HMGCLL1: variants seen among roughly 807,000 people sequenced by gnomAD.
HMGCLL1 encodes 3-hydroxymethyl-3-methylglutaryl-CoA lyase, cytoplasmic.
HMGCLL1 carries 36 observed loss-of-function variants against 39.1 expected under a neutral mutation model. The ratio of observed to expected loss-of-function variants is 0.92; its 90% CI spans 0.71 to 1.22. The LOEUF is 1.22. HMGCLL1 is among the 50% of genes most tolerant of loss of function. The pLI, the probability that HMGCLL1 is intolerant of heterozygous loss-of-function variation, is 0.00. For synonymous variants in HMGCLL1, 149 were observed against 144.0 expected (o/e 1.03, Z -0.25); for missense variants, 451 against 416.5 (o/e 1.08, Z -0.72).
chr6:55,497,197 G>A (rs142930916), intron 6 of HMGCLL1, among the ~76,000 whole-genome samples: 236 of 152,072 alleles, frequency 1.6e-3, no homozygotes, highest in Non-Finnish European at 2.3e-3. Flanking sequence ...CAGCTCCCAC[G>A]CATCCTAATC....
the HMGCLL1 span, among the ~76,000 whole-genome samples, chr6:55,628,346 G>T: frequency 1.4e-5 from 2 of 147,358 alleles, no homozygotes; most frequent in Non-Finnish European, 3.0e-5. Flanking sequence ...CTGTCACCTA[G>T]GCTGGAGCGC....
chr6:55,640,727 ATT>A, the HMGCLL1 span, among the ~76,000 whole-genome samples: 1 of 151,538 alleles, frequency 6.6e-6, no homozygotes, highest in Non-Finnish European at 1.5e-5. Context: ...TATCATATAT[ATT>A]TGTGACATAT....
At chr6:55,508,817 C>T (rs1303268131) in intron 5 of HMGCLL1, among the ~76,000 whole-genome samples, 1 of 151,908 alleles carries the variant, frequency 6.6e-6, no homozygotes, top group Non-Finnish European at 1.5e-5. Context: ...ACACCACTAA[C>T]TTTCTTGAAA....
chr6:55,580,415 T>C (rs1771958205), upstream of HMGCLL1, among the ~76,000 whole-genome samples: 2 of 119,160 alleles, frequency 1.7e-5, 1 homozygote, highest in East Asian at 4.6e-4. Flanking sequence ...TCTTTTTTTT[T>C]TTTTTTTTTT....
the HMGCLL1 span, among the ~76,000 whole-genome samples, chr6:55,651,056 G>C: frequency 6.6e-6 from 1 of 152,064 alleles, no homozygotes; most frequent in East Asian, 1.9e-4. Context: ...TTGGAACCTA[G>C]GGTGCAAGGC....
At chr6:55,657,050 GTTT>G in the HMGCLL1 span, among the ~76,000 whole-genome samples, 329 of 151,690 alleles carry the variant, frequency 2.2e-3, 1 homozygote, top group African/African-American at 7.3e-3. Context: ...GGGTTTTGTT[GTTT>G]TTTTTCTATA....
intron 6 of HMGCLL1, among the ~76,000 whole-genome samples, chr6:55,497,322 T>TAA (rs148604505): frequency 0.027 from 4,075 of 148,794 alleles, 181 homozygotes; most frequent in African/African-American, 0.095. Context: ...ACTCTGTTCT[T>TAA]AAAAAAAAAA....
At chr6:55,498,382 G>A (rs564387015) in intron 6 of HMGCLL1, among the ~76,000 whole-genome samples, 1 of 152,130 alleles carries the variant, frequency 6.6e-6, no homozygotes, top group African/African-American at 2.4e-5. Flanking sequence ...GTAAATAATA[G>A]ATAAAAGGAT....
intron 1 of HMGCLL1, among the ~76,000 whole-genome samples, chr6:55,557,810 T>A (rs528147311): frequency 1.3e-5 from 2 of 152,300 alleles, no homozygotes; most frequent in Non-Finnish European, 2.9e-5. Context: ...TAGCAATAAA[T>A]TACGTTGCCC....
At chr6:55,592,485 G>T in the HMGCLL1 span, among the ~76,000 whole-genome samples, 1 of 152,012 alleles carries the variant, frequency 6.6e-6, no homozygotes, top group African/African-American at 2.4e-5. Flanking sequence ...TTAAAATGGT[G>T]TTTTTCAACC....
At chr6:55,665,152 T>C in the HMGCLL1 span, among the ~76,000 whole-genome samples, 1 of 151,700 alleles carries the variant, frequency 6.6e-6, no homozygotes, top group African/African-American at 2.4e-5. Flanking sequence ...ACCTACATAT[T>C]TTTACATGTC....
the HMGCLL1 span, among the ~76,000 whole-genome samples, chr6:55,631,242 C>T: frequency 5.3e-5 from 8 of 152,002 alleles, no homozygotes; most frequent in Admixed American, 1.3e-4. Context: ...AATAACTCTT[C>T]GATTTGCCCT....
chr6:55,536,970 A>G (rs144713438), intron 3 of HMGCLL1, among the ~76,000 whole-genome samples: 1 of 152,178 alleles, frequency 6.6e-6, no homozygotes, highest in African/African-American at 2.4e-5. Flanking sequence ...TTAATAGAAT[A>G]CCAATTTAGA....
At chr6:55,441,217 GACC>G (rs1310321795) in intron 7 of HMGCLL1, among the ~76,000 whole-genome samples, 1 of 152,086 alleles carries the variant, frequency 6.6e-6, no homozygotes, top group Non-Finnish European at 1.5e-5. Flanking sequence ...TGGCTAAACT[GACC>G]TACCAGGATT....
chr6:55,614,334 T>A, the HMGCLL1 span, among the ~76,000 whole-genome samples: 2 of 152,096 alleles, frequency 1.3e-5, no homozygotes, highest in African/African-American at 4.8e-5. Context: ...ACATCTTTCT[T>A]CTTCTCTCTG....
chr6:55,521,571 T>C (rs1317655045), intron 3 of HMGCLL1, among the ~76,000 whole-genome samples: 1 of 152,086 alleles, frequency 6.6e-6, no homozygotes, highest in Non-Finnish European at 1.5e-5. Flanking sequence ...TCTGTTATGG[T>C]GATCTGTGAT....
At chr6:55,646,216 A>C in the HMGCLL1 span, among the ~76,000 whole-genome samples, 1 of 151,654 alleles carries the variant, frequency 6.6e-6, no homozygotes, top group Admixed American at 6.6e-5. Context: ...GATCTTTTTG[A>C]TTTCTGCAGT....
the HMGCLL1 span, among the ~76,000 whole-genome samples, chr6:55,637,712 A>ATGTGTGTGTGTG: frequency 1.1e-4 from 5 of 44,510 alleles, no homozygotes; most frequent in African/African-American, 3.9e-4. Context: ...CTATAATTTG[A>ATGTGTGTGTGTG]TATGTGTGTG....
intron 8 of HMGCLL1, among the ~76,000 whole-genome samples, chr6:55,438,674 C>T (rs982390930): frequency 4.6e-5 from 7 of 151,800 alleles, no homozygotes; most frequent in Non-Finnish European, 8.8e-5. Context: ...TTAATGCAGC[C>T]GGAGCATTAA....
Sources: allele counts gnomAD v4.1 joint callset (sites outside exome capture counted in the v4.1 genomes callset), GRCh38; gene constraint gnomAD v4.1.1; transcripts MANE v1.5; gene names NCBI Gene and HGNC (gene_info 2026-07-23, HGNC 2026-07-21).